The following CA10 variants were observed in gnomAD, a reference collection of about 807,000 sequenced individuals.
CA10 encodes carbonic anhydrase 10 (inactive).
CA10 carries 14 observed loss-of-function variants against 44.2 expected under a neutral mutation model. The observed-to-expected ratio is 0.32, with a 90% CI of 0.21 to 0.50. The LOEUF (loss-of-function observed/expected upper bound fraction) is 0.50, where lower values mean the gene tolerates loss of function less well. Among genes scored for constraint, CA10 ranks in the 20% least tolerant of loss-of-function variants. The pLI is 0.99. For missense variants in CA10, 350 were observed against 409.7 expected (o/e 0.85, Z 1.26); for synonymous variants, 159 against 141.6 (o/e 1.12, Z -0.87).
At chr17:51,840,200 G>A (rs1032061269) in intron 3 of CA10, among the ~76,000 whole-genome samples, 4 of 152,064 alleles carry the variant, frequency 2.6e-5, no homozygotes, top group Admixed American at 2.0e-4. Context: ...TATTTAATAC[G>A]GACCCCACTA....
At chr17:51,778,405 G>A (rs757204542) in intron 3 of CA10, among the ~76,000 whole-genome samples, 5 of 152,196 alleles carry the variant, frequency 3.3e-5, no homozygotes, top group Non-Finnish European at 7.3e-5. Flanking sequence ...GGCCTTGCCT[G>A]TAAGCTTGCT....
At chr17:52,011,010 G>T (rs1351291726) in intron 2 of CA10, among the ~76,000 whole-genome samples, 1 of 151,080 alleles carries the variant, frequency 6.6e-6, no homozygotes, top group African/African-American at 2.4e-5. Context: ...CGGGGGAGGG[G>T]GCACAGAGAC....
intron 1 of CA10, among the ~76,000 whole-genome samples, chr17:52,147,208 AT>A (rs1989607493): frequency 1.3e-5 from 2 of 152,056 alleles, no homozygotes; most frequent in Admixed American, 6.5e-5. Context: ...TTTTTTCCTA[AT>A]TTTTTTCATA....
rs377280504 is a variant in CA10, at chr17:51,757,954, A to G, written c.280-10136T>C. ...GGCTGTTAGGAAAAGAGTGGCTTAGATGTAGGTAAATAAGAAAATGGAACC... is the reference window on the plus strand; with the variant it reads ...GGCTGTTAGGAAAAGAGTGGCTTAGGTGTAGGTAAATAAGAAAATGGAACC... On this transcript the variant is annotated intron_variant, in intron 3 of 8. Transcript: ENST00000451037. Among the ~76,000 whole-genome samples the G allele has an allele frequency of 4.6e-5, 7 of 152,070 alleles. No individual in the cohort carries two copies. In the South Asian group the frequency reaches 1.5e-3, roughly 32 times the overall value.
intron 3 of CA10, among the ~76,000 whole-genome samples, chr17:51,754,341 C>G (rs183147364): frequency 7.7e-6 from 1 of 129,614 alleles, no homozygotes. Flanking sequence ...TGTATAAAGA[C>G]GGGTAAAATA....
chr17:51,829,430 C>A (rs1908146808), intron 3 of CA10, among the ~76,000 whole-genome samples: 1 of 152,046 alleles, frequency 6.6e-6, no homozygotes, highest in African/African-American at 2.4e-5. Flanking sequence ...AAAAGATTAC[C>A]CCTGTGACAT....
In CA10 at chr17:51,783,130, T is replaced by C. The variant is rs112744401; in HGVS notation, c.280-35312A>G. On this transcript the variant is annotated intron_variant, in intron 3 of 8. Coordinates refer to ENST00000451037, the MANE Select transcript of CA10 (RefSeq NM_020178.5). ...GTCATCTCTTTTCCCTGGAGTTGTTTTACTGGCTGAAGAGAAATGATTTTT... is the reference window on the plus strand; with the variant it reads ...GTCATCTCTTTTCCCTGGAGTTGTTCTACTGGCTGAAGAGAAATGATTTTT... 8.6e-3 allele frequency among the ~76,000 whole-genome samples: 1,306 copies of C among 152,310 alleles called. 23 individuals are homozygous for C. The highest frequency in any genetic ancestry group is 0.03 in the African/African-American group (1,248 of 41,550).
chr17:52,017,205 G>A (rs2144146324), intron 2 of CA10, among the ~76,000 whole-genome samples: 1 of 152,226 alleles, frequency 6.6e-6, no homozygotes, highest in South Asian at 2.1e-4. Flanking sequence ...CTGCTATAAA[G>A]ATACCTGAAA....
At chr17:52,153,828 G>T (rs763154040) in intron 1 of CA10, among the ~76,000 whole-genome samples, 2 of 152,168 alleles carry the variant, frequency 1.3e-5, no homozygotes, top group Non-Finnish European at 2.9e-5. Context: ...TAGAAACTGT[G>T]CTGTGTGAAA....
At chr17:52,127,495 T>C (rs187192614) in intron 1 of CA10, among the ~76,000 whole-genome samples, 1 of 152,254 alleles carries the variant, frequency 6.6e-6, no homozygotes, top group Admixed American at 6.5e-5. Context: ...TCCATTTAAA[T>C]TTAAATAGAC....
chr17:52,105,749 C>A (rs1411310709), intron 1 of CA10, among the ~76,000 whole-genome samples: 4 of 152,202 alleles, frequency 2.6e-5, no homozygotes, highest in Non-Finnish European at 5.9e-5. Flanking sequence ...ATTTATTGAG[C>A]CCTTCCTTAT....
intron 2 of CA10, among the ~76,000 whole-genome samples, chr17:51,974,216 T>C (rs1984378527): frequency 6.6e-6 from 1 of 151,732 alleles, no homozygotes; most frequent in African/African-American, 2.4e-5. Context: ...AAACTCCGTC[T>C]CTACTAAAAA....
intron 2 of CA10, among the ~76,000 whole-genome samples, chr17:51,989,650 A>G (rs146416737): frequency 2.8e-4 from 42 of 152,220 alleles, no homozygotes; most frequent in African/African-American, 9.1e-4. Flanking sequence ...TGTCCTTTAC[A>G]GGGACATGGA....
chr17:51,655,964 C>T (rs1263992843), intron 4 of CA10, among the ~76,000 whole-genome samples: 1 of 152,222 alleles, frequency 6.6e-6, no homozygotes, highest in Non-Finnish European at 1.5e-5. Flanking sequence ...TTAATCCCCC[C>T]TCCCTTGTAC....
intron 3 of CA10, 72 bp downstream of exon 3, chr17:51,930,918 C>T (rs1244479034): frequency 6.4e-7 from 1 of 1,566,922 alleles, no homozygotes; most frequent in Admixed American, 1.7e-5. Flanking sequence ...AGACTGAAGC[C>T]TTGAGGATTA....
rs1567733321 is a variant in CA10, at chr17:52,100,441, C to T, written c.62-28048G>A. Among the ~76,000 whole-genome samples the T allele has an allele frequency of 3.3e-5, 5 of 151,530 alleles. No homozygotes were observed. In the South Asian group the frequency reaches 1.0e-3, roughly 32 times the overall value. ...CCATTCTCAAGGGCAACAGGACTCT[C>T]AAAAAAAACAGACAAGCCAACACCT... On this transcript the variant is annotated intron_variant, in intron 1 of 8. Transcript: ENST00000451037.
At chr17:52,147,331 A>G (rs1303479489) in intron 1 of CA10, among the ~76,000 whole-genome samples, 1 of 152,194 alleles carries the variant, frequency 6.6e-6, no homozygotes, top group Non-Finnish European at 1.5e-5. Context: ...GCACTGATCA[A>G]GAAAGAACAT....
At position 51,849,159 on chromosome 17, in the gene CA10, A is replaced by G. The variant is rs528945633; in HGVS notation, c.279+81831T>C. 2.3e-5 allele frequency among the ~76,000 whole-genome samples: 3 copies of G among 131,506 alleles called. No individual in the cohort carries two copies. In the South Asian group the frequency reaches 7.1e-4, roughly 31 times the overall value. 86.3% of individuals were successfully genotyped at this position (131,506 alleles called of 152,430 possible). Reference sequence around the variant, plus strand: ...AACTTAGTTTTTTATATATATACATATATGTATATATATATACATATATGT... The same window carrying G: ...AACTTAGTTTTTTATATATATACATGTATGTATATATATATACATATATGT... On this transcript the variant is annotated intron_variant, in intron 3 of 8. Transcript: ENST00000451037.
chr17:51,959,795 A>AT (rs1983815649), intron 2 of CA10, among the ~76,000 whole-genome samples: 1 of 80,608 alleles, frequency 1.2e-5, no homozygotes, highest in Non-Finnish European at 2.3e-5. Flanking sequence ...ACCTGCTAAG[A>AT]TGAAAAAAAA....
Sources: gnomAD v4.1 joint callset for allele counts (sites outside exome capture counted in the v4.1 genomes callset) on GRCh38, gnomAD v4.1.1 for gene constraint, MANE v1.5 for transcripts, NCBI Gene and HGNC (gene_info 2026-07-23, HGNC 2026-07-21) for gene names.